WDR44: variants seen among roughly 807,000 people sequenced by gnomAD.
The protein encoded by WDR44 is WD repeat-containing protein 44.
WDR44 carries 9 observed loss-of-function variants against 65.7 expected under a neutral mutation model. That is an observed-to-expected ratio of 0.14 (90% CI 0.08 to 0.24). WDR44 has a LOEUF of 0.24. Among genes scored for constraint, WDR44 ranks in the 10% least tolerant of loss-of-function variants. WDR44 has a pLI of 1.00. For synonymous variants in WDR44, 220 were observed against 235.2 expected, an observed-to-expected ratio of 0.94 and a Z score of 0.59; for missense variants, 425 against 670.9, an observed-to-expected ratio of 0.63 and a Z score of 4.05.
At chrX:118,404,055 C>T (rs1337740782) in intron 8 of WDR44, among the ~76,000 whole-genome samples, 1 of 112,042 alleles carries the variant, frequency 8.9e-6, no homozygotes, top group Non-Finnish European at 1.9e-5. Context: ...CTCCCCTCTC[C>T]ACACTACCTC....
Position 118,405,046 on chromosome X carries a change from C to CT in WDR44, c.1381+611dup, listed in dbSNP as rs764631045. On this transcript the variant is annotated intron_variant, in intron 9 of 19. Transcript: ENST00000254029. ...ATTTGGTTTTGGGTTTTTCTTTTTT[C>CT]TTTTTTTTTGAGAAAGTCTTGCTCT... Among the ~76,000 whole-genome samples, 490 of 108,238 alleles carry CT rather than the reference C, an allele frequency of 4.5e-3. 1 individual carries two copies. Among genetic ancestry groups the CT allele is most frequent in the African/African-American group, 0.015 (445 of 29,721 alleles). 94.0% of individuals were successfully genotyped at this position (108,238 alleles called of 115,157 possible). A position where few individuals can be genotyped will look rare whatever the true frequency, so the allele number is the denominator to read the frequency against.
In WDR44 at chrX:118,432,744, C is replaced by G. The variant is rs960586492; in HGVS notation, c.1738-37C>G. Reference sequence around the variant, plus strand: ...TGGGAAGAATGTGAAACTAGTTTTACATTGCAGTTTCAAAGTTTATCTTTA... The same window carrying G: ...TGGGAAGAATGTGAAACTAGTTTTAGATTGCAGTTTCAAAGTTTATCTTTA... On this transcript the variant is annotated intron_variant, in intron 12 of 19. Transcript: ENST00000254029. The G allele has an allele frequency of 4.6e-6, 5 of 1,098,260 alleles. No homozygotes were observed. The African/African-American group carries it at 7.3e-5, about 16-fold the overall frequency. The allele number at this position is 1,098,260 out of a possible 1,213,427, so 90.5% of individuals were successfully genotyped here.
intron 1 of WDR44, among the ~76,000 whole-genome samples, chrX:118,352,155 G>GT (rs202208400): frequency 0.4 from 34,721 of 87,579 alleles, 9,015 homozygotes; most frequent in African/African-American, 0.83. Context: ...TTTGTTTTTT[G>GT]TTTTTTTTTT....
chrX:118,349,953 AT>A (rs11300990), intron 1 of WDR44, among the ~76,000 whole-genome samples: 26,384 of 99,196 alleles, frequency 0.27, 3,026 homozygotes, highest in African/African-American at 0.39. Flanking sequence ...CTAGTCCAGT[AT>A]TTTTTTTTTT....
intron 12 of WDR44, among the ~76,000 whole-genome samples, chrX:118,424,323 G>GTGTATATATATATATA (rs1289349202): frequency 7.6e-5 from 5 of 65,564 alleles, no homozygotes; most frequent in African/African-American, 5.0e-4. Flanking sequence ...GTGTGTGTGT[G>GTGTATATATATATATA]TATATATATA....
intron 1 of WDR44, among the ~76,000 whole-genome samples, chrX:118,367,339 T>C (rs975370997): frequency 8.9e-6 from 1 of 112,008 alleles, no homozygotes; most frequent in Admixed American, 9.5e-5. Flanking sequence ...TCAGGTCTCC[T>C]GATTCTGCTC....
intron 10 of WDR44, among the ~76,000 whole-genome samples, chrX:118,408,710 T>C (rs1048837436): frequency 1.2e-4 from 14 of 112,297 alleles, no homozygotes; most frequent in African/African-American, 4.2e-4. Context: ...ATTCCAAAAC[T>C]GTAATACTTC....
chrX:118,375,841 A>G (rs777529063), intron 1 of WDR44, among the ~76,000 whole-genome samples: 2 of 112,457 alleles, frequency 1.8e-5, no homozygotes, highest in Admixed American at 9.4e-5. Context: ...TTTGTTTTCT[A>G]AACAAATTTA....
chrX:118,409,051 G>A (rs967797854), intron 10 of WDR44, among the ~76,000 whole-genome samples: 2 of 112,191 alleles, frequency 1.8e-5, no homozygotes, highest in African/African-American at 3.2e-5. Flanking sequence ...AGTAGTGTTA[G>A]CAATTTGAGC....
At chrX:118,432,936 A>G in intron 13 of WDR44, 42 bp downstream of exon 13, 1 of 1,108,857 alleles carries the variant, frequency 9.0e-7, no homozygotes, top group Non-Finnish European at 1.2e-6. Context: ...TTCTGCGTAT[A>G]AGGAGCTGAT....
rs2057312992 is a variant in WDR44, at chrX:118,442,651, T to C, written c.2355T>C (p.Asn785=). 4 of 1,209,129 alleles carry C rather than the reference T, an allele frequency of 3.3e-6. No homozygotes were observed. Among genetic ancestry groups the C allele is most frequent in the Non-Finnish European group, 3.4e-6 (3 of 894,591 alleles). The part of the protein sequence containing the change: ...SLSMKYKGYV[N]SSSQIKASFS... ...CCATGAAGTATAAGGGTTACGTCAA[T>C]AGCAGCAGCCAGATCAAAGCAAGTT... Residue 785 remains asparagine, a synonymous_variant, in exon 17 of 20, where the codon AAT becomes AAC. Coordinates refer to ENST00000254029, the MANE Select transcript of WDR44 (RefSeq NM_019045.5).
intron 3 of WDR44, among the ~76,000 whole-genome samples, chrX:118,387,985 T>C (rs1205417100): frequency 8.9e-6 from 1 of 111,790 alleles, no homozygotes; most frequent in African/African-American, 3.3e-5. Flanking sequence ...TAGGCAATGT[T>C]CTAGCCAGTG....
intron 14 of WDR44, among the ~76,000 whole-genome samples, chrX:118,438,226 A>C (rs1225889964): frequency 5.4e-5 from 6 of 110,553 alleles, no homozygotes; most frequent in Non-Finnish European, 5.7e-5. Context: ...TTGATGATCA[A>C]GTCATTAGAG....
intron 19 of WDR44, 93 bp downstream of exon 19, chrX:118,444,587 AG>A (rs2057330319): frequency 9.9e-7 from 1 of 1,010,784 alleles, no homozygotes; most frequent in Admixed American, 3.1e-5. Flanking sequence ...ACTAGTATAA[AG>A]AATATTTCTT....
chrX:118,409,949 A>G (rs2056998951), intron 11 of WDR44, among the ~76,000 whole-genome samples: 1 of 112,463 alleles, frequency 8.9e-6, no homozygotes, highest in African/African-American at 3.2e-5. Context: ...CTGGAAAAAG[A>G]ATGAAAATCA....
chrX:118,417,847 T>C (rs2057070372), intron 12 of WDR44, among the ~76,000 whole-genome samples: 1 of 112,013 alleles, frequency 8.9e-6, no homozygotes, highest in African/African-American at 3.2e-5. Flanking sequence ...TTTAACATAA[T>C]CCCAGACCTC....
intron 1 of WDR44, among the ~76,000 whole-genome samples, chrX:118,352,335 TATA>T (rs2056415139): frequency 5.5e-5 from 1 of 18,185 alleles, no homozygotes; most frequent in East Asian, 2.9e-3. Context: ...TATATATATA[TATA>T]TATATATATA....
At chrX:118,376,732 G>A (rs1008288486) in intron 1 of WDR44, among the ~76,000 whole-genome samples, 2 of 111,272 alleles carry the variant, frequency 1.8e-5, no homozygotes, top group Admixed American at 9.6e-5. Flanking sequence ...GGCTGGGTGC[G>A]GTGGCTCCCT....
rs191201757 is a variant in WDR44 at position 118,393,449 on chromosome X, G to C, written c.826+178G>C. Among the ~76,000 whole-genome samples the C allele has an allele frequency of 9.5e-3, 1,058 of 111,009 alleles. 21 individuals are homozygous for C. Among genetic ancestry groups the C allele is most frequent in the African/African-American group, 0.033 (1,010 of 30,533 alleles). On this transcript the variant is annotated intron_variant, in intron 4 of 19. Coordinates refer to ENST00000254029, the MANE Select transcript of WDR44 (RefSeq NM_019045.5). ...ACAAAAAAAAATACAAAAGTTAGCT[G>C]GCCATGGTGGCACGCGCCTGTAGTC... is the stretch of plus-strand genomic sequence containing the variant.
Sources: gnomAD v4.1 joint callset for allele counts (sites outside exome capture counted in the v4.1 genomes callset) on GRCh38, gnomAD v4.1.1 for gene constraint, MANE v1.5 for transcripts, NCBI Gene and HGNC (gene_info 2026-07-23, HGNC 2026-07-21) for gene names.